XKR9: variants seen among roughly 807,000 people sequenced by gnomAD.
XKR9 encodes XK-related protein 9.
Under a neutral mutation model 32.0 loss-of-function variants are expected in XKR9, and 32 were observed. That is an observed-to-expected ratio of 1.00 (90% CI 0.76 to 1.34). The LOEUF (loss-of-function observed/expected upper bound fraction) is 1.34. Among genes scored for constraint, XKR9 ranks in the 40% most tolerant of loss-of-function variants. XKR9 has a pLI of 0.00. For missense variants in XKR9, 546 were observed against 429.7 expected (o/e 1.27, Z -2.39); for synonymous variants, 168 against 143.4 (o/e 1.17, Z -1.22).
chr8:70,672,606 CTGTGTG>C (rs533943749), intron 1 of XKR9, among the ~76,000 whole-genome samples: 2 of 150,222 alleles, frequency 1.3e-5, no homozygotes, highest in Admixed American at 1.3e-4. Context: ...TATGGTAGTT[CTGTGTG>C]TGTGTGTGTG....
At chr8:70,955,333 C>T in the XKR9 span, among the ~76,000 whole-genome samples, 1 of 152,176 alleles carries the variant, frequency 6.6e-6, no homozygotes, top group African/African-American at 2.4e-5. Context: ...TTCTATCAGT[C>T]TTCAGTCCCT....
chr8:70,755,675 C>T (rs541636987), intron 2 of XKR9, among the ~76,000 whole-genome samples: 17 of 148,640 alleles, frequency 1.1e-4, no homozygotes, highest in East Asian at 2.0e-4. Context: ...AACCAAACAC[C>T]GCATGTTCTC....
chr8:71,027,785 G>GT, the XKR9 span, among the ~76,000 whole-genome samples: 1 of 149,794 alleles, frequency 6.7e-6, no homozygotes, highest in East Asian at 2.0e-4. Flanking sequence ...TTGGCGGGGG[G>GT]GGGGGGTCTC....
chr8:70,787,247 G>A (rs1322623913), intron 2 of XKR9, among the ~76,000 whole-genome samples: 1 of 152,096 alleles, frequency 6.6e-6, no homozygotes, highest in Non-Finnish European at 1.5e-5. Flanking sequence ...TTTTTTTAAA[G>A]AAGTAAGAAT....
chr8:70,781,800 C>G (rs1303070798), intron 2 of XKR9, among the ~76,000 whole-genome samples: 1 of 152,040 alleles, frequency 6.6e-6, no homozygotes, highest in Non-Finnish European at 1.5e-5. Context: ...ACATTTAGAA[C>G]AAGCTTTCTC....
At chr8:70,716,366 A>G (rs921844475) in intron 4 of XKR9, among the ~76,000 whole-genome samples, 11 of 152,132 alleles carry the variant, frequency 7.2e-5, no homozygotes, top group African/African-American at 2.7e-4. Flanking sequence ...GCTATGAAGA[A>G]CTGCCCGAGA....
chr8:70,954,216 ACCC>A, the XKR9 span, among the ~76,000 whole-genome samples: 3 of 152,080 alleles, frequency 2.0e-5, no homozygotes, highest in South Asian at 6.2e-4. Context: ...TATTTGGACA[ACCC>A]AGAGCCCTTA....
chr8:70,953,560 C>T, the XKR9 span, among the ~76,000 whole-genome samples: 2 of 152,172 alleles, frequency 1.3e-5, no homozygotes, highest in Non-Finnish European at 1.5e-5. Context: ...AATCCTCCTG[C>T]CTTGGCCTCC....
At chr8:70,678,841 A>C (rs1818968701) in intron 2 of XKR9, among the ~76,000 whole-genome samples, 1 of 152,236 alleles carries the variant, frequency 6.6e-6, no homozygotes, top group Admixed American at 6.5e-5. Flanking sequence ...ATAAGAACAC[A>C]GTAAGTATTG....
the XKR9 span, among the ~76,000 whole-genome samples, chr8:70,955,367 G>A: frequency 6.6e-6 from 1 of 152,032 alleles, no homozygotes; most frequent in Admixed American, 6.6e-5. Flanking sequence ...ATATACTGAC[G>A]ATACCTTATA....
At chr8:70,975,057 A>G in the XKR9 span, among the ~76,000 whole-genome samples, 1 of 152,162 alleles carries the variant, frequency 6.6e-6, no homozygotes, top group Admixed American at 6.5e-5. Context: ...GTGTCTGTTC[A>G]CATCATTTGC....
At chr8:70,992,117 C>T in the XKR9 span, among the ~76,000 whole-genome samples, 3 of 152,164 alleles carry the variant, frequency 2.0e-5, no homozygotes, top group Non-Finnish European at 2.9e-5. Flanking sequence ...TTTTGATGTA[C>T]CCTGCAAACT....
At chr8:70,857,300 T>C in the XKR9 span, among the ~76,000 whole-genome samples, 2 of 152,088 alleles carry the variant, frequency 1.3e-5, no homozygotes, top group South Asian at 2.1e-4. Flanking sequence ...ATATCACCAC[T>C]GATCCCACAG....
At chr8:71,012,318 C>G in the XKR9 span, among the ~76,000 whole-genome samples, 1 of 152,150 alleles carries the variant, frequency 6.6e-6, no homozygotes, top group Admixed American at 6.5e-5. Flanking sequence ...GCAGAAAGAA[C>G]AGTCAGAATC....
chr8:70,990,781 G>C, the XKR9 span, among the ~76,000 whole-genome samples: 35 of 151,932 alleles, frequency 2.3e-4, no homozygotes, highest in Non-Finnish European at 4.1e-4. Flanking sequence ...GAGAGAGAGA[G>C]AGAGAACAAG....
intron 2 of XKR9, among the ~76,000 whole-genome samples, chr8:70,770,576 C>G (rs192441838): frequency 6.6e-6 from 1 of 151,932 alleles, no homozygotes; most frequent in Non-Finnish European, 1.5e-5. Context: ...AAGCCCCTGA[C>G]TGGGGCTGCT....
intron 4 of XKR9, among the ~76,000 whole-genome samples, chr8:70,718,715 C>A (rs1299211981): frequency 6.6e-6 from 1 of 152,154 alleles, no homozygotes; most frequent in Non-Finnish European, 1.5e-5. Flanking sequence ...TTTATCCAGT[C>A]TATCATTGAT....
intron 2 of XKR9, among the ~76,000 whole-genome samples, chr8:70,676,217 C>T (rs544340639): frequency 3.3e-5 from 5 of 152,230 alleles, no homozygotes; most frequent in African/African-American, 1.2e-4. Flanking sequence ...TTTACAACAA[C>T]CAGATCTCAC....
the XKR9 span, among the ~76,000 whole-genome samples, chr8:70,811,831 G>C: frequency 2.6e-5 from 4 of 152,012 alleles, no homozygotes; most frequent in African/African-American, 9.7e-5. Flanking sequence ...TCCAGGACCA[G>C]ATGGATTCAC....
Sources: allele counts gnomAD v4.1 joint callset (sites outside exome capture counted in the v4.1 genomes callset), GRCh38; gene constraint gnomAD v4.1.1; transcripts MANE v1.5; gene names NCBI Gene and HGNC (gene_info 2026-07-23, HGNC 2026-07-21).